Variants in USP39 observed in about 807,000 individuals in gnomAD.
The protein encoded by USP39 is ubiquitin carboxyl-terminal hydrolase 39.
Under a neutral mutation model 66.4 loss-of-function variants are expected in USP39, and 38 were observed. That is an observed-to-expected ratio of 0.57 (90% CI 0.44 to 0.75). USP39 has a LOEUF of 0.75. Among genes scored for constraint, USP39 ranks in the 30% least tolerant of loss-of-function variants. USP39 has a pLI of 0.00. For missense variants in USP39, 608 were observed against 714.4 expected (o/e 0.85, Z 1.70); for synonymous variants, 303 against 274.6 (o/e 1.10, Z -1.02).
Position 85,625,609 on chromosome 2 carries a change from C to T in USP39, c.641C>T (p.Ala214Val). Residue 214 changes from alanine (A) to valine (V), a missense_variant, in exon 5 of 13, where the codon GCA (alanine) becomes GTA (valine). Physicochemically the swap from Ala to Val is moderately conservative, Grantham distance 64 (BLOSUM62 0). Transcript: ENST00000323701. ...NLDKQAKLSR[A>V]YDGTTYLPGI... ...GACAAGCAAGCCAAATTGTCCCGGG[C>T]ATATGATGGTACCACTTACCTGCCG... 1.2e-6 allele frequency: 2 copies of T among 1,614,090 alleles called. No homozygotes were observed. Among genetic ancestry groups the T allele is most frequent in the East Asian group, 2.2e-5 (1 of 44,886 alleles).
intron 10 of USP39, among the ~76,000 whole-genome samples, chr2:85,642,582 G>A (rs1300913216): frequency 1.3e-5 from 2 of 152,152 alleles, no homozygotes; most frequent in African/African-American, 2.4e-5. Context: ...AGCTTACTTC[G>A]GAGAAGTTGA....
At chr2:85,630,376 G>T (rs1675225684) in intron 5 of USP39, among the ~76,000 whole-genome samples, 1 of 152,196 alleles carries the variant, frequency 6.6e-6, no homozygotes, top group South Asian at 2.1e-4. Flanking sequence ...TCTGCCTTAT[G>T]AATTTAAGTA....
At chr2:85,613,461 G>A (rs1013682650), upstream of USP39, among the ~76,000 whole-genome samples, 5 of 152,134 alleles carry the variant, frequency 3.3e-5, no homozygotes, top group South Asian at 2.1e-4. Context: ...GCAGTCAGCC[G>A]AGATCGAGCC....
chr2:85,621,378 T>C, intron 2 of USP39, 107 bp from the exon 3 acceptor site: 3 of 902,508 alleles, frequency 3.3e-6, no homozygotes, highest in South Asian at 2.8e-5. Context: ...TGAACTGTTT[T>C]CTGAAGGATG....
intron 1 of USP39, among the ~76,000 whole-genome samples, chr2:85,617,110 A>ATT (rs112788398): frequency 2.0e-3 from 264 of 133,738 alleles, no homozygotes; most frequent in Middle Eastern, 8.2e-3. Context: ...TTAAAAAAGA[A>ATT]TTTTTTTTTT....
upstream of USP39, chr2:85,611,847 G>A: frequency 6.2e-7 from 1 of 1,601,258 alleles, no homozygotes; most frequent in Non-Finnish European, 8.5e-7. Flanking sequence ...GCCAGGAGTG[G>A]TGGCGGCGGC....
chr2:85,611,544 G>A, upstream of USP39: 1 of 1,551,098 alleles, frequency 6.4e-7, no homozygotes, highest in Non-Finnish European at 8.7e-7. Context: ...CTGAGGTGGA[G>A]GTTCCGGAAA....
chr2:85,611,733 C>T, upstream of USP39: 5 of 1,608,472 alleles, frequency 3.1e-6, no homozygotes, highest in Non-Finnish European at 4.2e-6. Context: ...GGGCGTGTGC[C>T]GCCTCCTCAC....
intron 3 of USP39, among the ~76,000 whole-genome samples, chr2:85,621,996 T>C (rs183322843): frequency 3.3e-5 from 5 of 152,226 alleles, no homozygotes; most frequent in Admixed American, 1.3e-4. Context: ...ATTTTTGTAT[T>C]TTTAGTAGAA....
At chr2:85,645,140 G>T (rs765816996) in intron 11 of USP39, 57 bp downstream of exon 11, 3 of 1,609,088 alleles carry the variant, frequency 1.9e-6, no homozygotes, top group South Asian at 1.1e-5. Context: ...TGTTTCTTTG[G>T]CATCTCAGAG....
chr2:85,621,147 C>A (rs1449184402), intron 2 of USP39: 2 of 181,878 alleles, frequency 1.1e-5, no homozygotes, highest in Admixed American at 1.1e-4. Flanking sequence ...ATGTCCTCTC[C>A]ACCTCCAGAA....
Position 85,630,392 on chromosome 2 carries a change from A to G in USP39, c.724-329A>G, listed in dbSNP as rs562545215. 2.6e-5 allele frequency among the ~76,000 whole-genome samples: 4 copies of G among 152,314 alleles called. No homozygotes were observed. In the East Asian group the frequency reaches 7.7e-4, roughly 29 times the overall value. On this transcript the variant is annotated intron_variant, in intron 5 of 12. Coordinates refer to ENST00000323701, the MANE Select transcript of USP39 (RefSeq NM_006590.4). ...CTGCCTTATGAATTTAAGTATTGTC[A>G]CAGCATAATTAGAGTAACAAAAGGA...
At chr2:85,610,529 T>C (rs1673440844), upstream of USP39, 1 of 152,330 alleles carries the variant, frequency 6.6e-6, no homozygotes, top group Non-Finnish European at 1.5e-5. Context: ...GTTTAACCTC[T>C]CTGTGCCTGT....
At chr2:85,612,002 G>C, upstream of USP39, 1 of 1,498,486 alleles carries the variant, frequency 6.7e-7, no homozygotes, top group South Asian at 1.2e-5. Context: ...CGGGGACGCA[G>C]AGTCGCCGCC....
intron 6 of USP39, among the ~76,000 whole-genome samples, chr2:85,633,462 T>A (rs1035212656): frequency 6.6e-6 from 1 of 152,160 alleles, no homozygotes; most frequent in East Asian, 1.9e-4. Flanking sequence ...ATCAGACTTA[T>A]GAATTTGTTT....
intron 11 of USP39, 29 bp from the exon 12 acceptor site, chr2:85,647,901 A>G: frequency 1.9e-6 from 3 of 1,610,350 alleles, no homozygotes; most frequent in Non-Finnish European, 2.5e-6. Context: ...TAGAGAGCAG[A>G]CTAACCCAGC....
rs572406811 is a variant in USP39 at position 85,619,794 on chromosome 2, C to G, written c.338+505C>G. 3.9e-5 allele frequency among the ~76,000 whole-genome samples: 6 copies of G among 152,070 alleles called. 1 individual carries two copies. In the South Asian group the frequency reaches 1.2e-3, roughly 32 times the overall value. On this transcript the variant is annotated intron_variant, in intron 2 of 12. Coordinates refer to ENST00000323701, the MANE Select transcript of USP39 (RefSeq NM_006590.4). ...CGCCTTTACTCAGCCCTTTGGCAGGCCAAGGCAGGAGGATCCCTTGAGGCC... is the reference window on the plus strand; with the variant it reads ...CGCCTTTACTCAGCCCTTTGGCAGGGCAAGGCAGGAGGATCCCTTGAGGCC...
In USP39 at chr2:85,628,528, C is replaced by T. The variant is rs368937396; in HGVS notation, c.724-2193C>T. Among the ~76,000 whole-genome samples, 79 of 152,180 alleles carry T rather than the reference C, an allele frequency of 5.2e-4. 2 individuals are homozygous for T. In the South Asian group the frequency reaches 0.011, roughly 21 times the overall value. On this transcript the variant is annotated intron_variant, in intron 5 of 12. Coordinates refer to ENST00000323701, the MANE Select transcript of USP39 (RefSeq NM_006590.4). The stretch of plus-strand genomic sequence containing the variant: ...CTTGGCTTTCTGATGAATTTTAGAT[C>T]GCATAGGAAGTTCTCTTTATAAAAA...
intron 2 of USP39, 38 bp downstream of exon 2, chr2:85,619,327 A>G (rs1427766719): frequency 3.7e-6 from 6 of 1,601,542 alleles, no homozygotes; most frequent in Non-Finnish European, 4.3e-6. Context: ...GCACAAGAAC[A>G]ATGGAATCTG....
Sources: allele counts gnomAD v4.1 joint callset (sites outside exome capture counted in the v4.1 genomes callset), GRCh38; gene constraint gnomAD v4.1.1; transcripts MANE v1.5; gene names NCBI Gene and HGNC (gene_info 2026-07-23, HGNC 2026-07-21).